The following CDH11 variants were observed in gnomAD, a reference collection of about 807,000 sequenced individuals.
The protein encoded by CDH11 is cadherin-11.
In CDH11, 11 loss-of-function variants were observed where a neutral mutation model predicts 67.8. That is an observed-to-expected ratio of 0.16 (90% CI 0.10 to 0.27). The LOEUF (loss-of-function observed/expected upper bound fraction) is 0.27. Ranked by LOEUF, CDH11 falls within the 10% of genes least tolerant of loss-of-function variation. The pLI, the probability that CDH11 is intolerant of heterozygous loss-of-function variation, is 1.00. For synonymous variants in CDH11, 419 were observed against 400.0 expected, an observed-to-expected ratio of 1.05 and a Z score of -0.57; for missense variants, 847 against 1,031.2, an observed-to-expected ratio of 0.82 and a Z score of 2.45.
chr16:65,054,718 C>G (rs1047848646), intron 1 of CDH11, among the ~76,000 whole-genome samples: 2 of 152,196 alleles, frequency 1.3e-5, no homozygotes, highest in Non-Finnish European at 2.9e-5. Flanking sequence ...AAGGTGCCAG[C>G]TGGCATAGCT....
At position 64,947,917 on chromosome 16, in the gene CDH11, G is replaced by C; in HGVS notation, c.2077C>G (p.Arg693Gly). Residue 693 changes from arginine (R) to glycine (G), a missense_variant, in exon 13 of 13, where the codon CGC becomes GGC. Physicochemically the swap from Arg to Gly is moderately radical, Grantham distance 125. This residue lies in a region of CDH11 where 612 missense variants were observed against 678.7 expected (regional missense o/e 0.90). Coordinates refer to ENST00000268603, the MANE Select transcript of CDH11 (RefSeq NM_001797.4). ...TGATACTCAGGTTTGATGTCTTTGC[G>C]GGGGATAAATCCATTGATACCATCA... ...NPDGINGFIP[R>G]KDIKPEYQYM... The C allele has an allele frequency of 6.2e-7, 1 of 1,614,124 alleles. No individual in the cohort carries two copies. The highest frequency in any genetic ancestry group is 8.5e-7 in the Non-Finnish European group (1 of 1,180,020).
At position 65,030,493 on chromosome 16, in the gene CDH11, A is replaced by T. The variant is rs574992865; in HGVS notation, c.-173+23311T>A. On this transcript the variant is annotated intron_variant, in intron 2 of 12. Transcript: ENST00000268603. ...TTTAACTATCTTCCTATGAACTCAG[A>T]GTGCCCATGCGTAGTCCTCACAAAA... 7.9e-5 allele frequency among the ~76,000 whole-genome samples: 12 copies of T among 152,340 alleles called. 1 individual carries two copies. Among genetic ancestry groups the T allele is most frequent in the Admixed American group, 3.9e-4 (6 of 15,304 alleles).
At chr16:65,030,138 T>C (rs940937443) in intron 2 of CDH11, among the ~76,000 whole-genome samples, 1 of 152,182 alleles carries the variant, frequency 6.6e-6, no homozygotes, top group African/African-American at 2.4e-5. Flanking sequence ...ACCGTATCTA[T>C]GGTATCAAGC....
rs926672270 is a variant in CDH11 at position 64,944,214 on chromosome 16, C to G, written c.*3389G>C. 1.3e-5 allele frequency: 3 copies of G among 232,862 alleles called. No individual in the cohort carries two copies. Among genetic ancestry groups the G allele is most frequent in the African/African-American group, 6.6e-5 (3 of 45,308 alleles). The allele number at this position is 232,862 out of a possible 1,614,324, so 14.4% of individuals were successfully genotyped here. Reference sequence around the variant, plus strand: ...GATCTGGGTTGTGTGTTAAAAGTATCCCTCTGGCTTCTTTGTGAAGAGGAG... The same window carrying G: ...GATCTGGGTTGTGTGTTAAAAGTATGCCTCTGGCTTCTTTGTGAAGAGGAG... On this transcript the variant is annotated 3_prime_UTR_variant, in exon 13 of 13. Coordinates refer to ENST00000268603, the MANE Select transcript of CDH11 (RefSeq NM_001797.4).
At chr16:65,072,922 A>G (rs1177162407) in intron 1 of CDH11, among the ~76,000 whole-genome samples, 2 of 152,196 alleles carry the variant, frequency 1.3e-5, no homozygotes, top group African/African-American at 2.4e-5. Flanking sequence ...TAAAAATTAA[A>G]TAAGTTAATT....
At chr16:64,995,697 T>C (rs1053766560) in intron 4 of CDH11, among the ~76,000 whole-genome samples, 1 of 152,150 alleles carries the variant, frequency 6.6e-6, no homozygotes, top group African/African-American at 2.4e-5. Context: ...AGAGAATTTA[T>C]GACTAGGTCC....
intron 8 of CDH11, among the ~76,000 whole-genome samples, chr16:64,974,108 C>A (rs565537811): frequency 6.6e-6 from 1 of 152,024 alleles, no homozygotes; most frequent in Admixed American, 6.6e-5. Context: ...TGGGAGATGG[C>A]GGAAGAATGG....
chr16:65,065,785 C>A (rs2074303733), intron 1 of CDH11, among the ~76,000 whole-genome samples: 1 of 152,208 alleles, frequency 6.6e-6, no homozygotes, highest in Non-Finnish European at 1.5e-5. Context: ...ACAGGCACAC[C>A]CTAAACCAGG....
chr16:64,976,789 A>C (rs1020682426), intron 8 of CDH11, among the ~76,000 whole-genome samples: 3 of 152,186 alleles, frequency 2.0e-5, no homozygotes, highest in Non-Finnish European at 1.5e-5. Flanking sequence ...CGGAGGTTGC[A>C]GTGAGCTGGG....
At position 64,998,830 on chromosome 16, in the gene CDH11, A is replaced by T; in HGVS notation, c.255T>A (p.Asp85Glu). ...GRLHSDIDSG[D>E]GNIKYILSGE... ...CTGAGAGAATGTATTTAATGTTCCC[A>T]TCACCAGAGTCAATATCTGAATGAA... Residue 85 changes from aspartate (D) to glutamate (E), a missense_variant, in exon 4 of 13, where the codon GAT becomes GAA. Coordinates refer to ENST00000268603, the MANE Select transcript of CDH11 (RefSeq NM_001797.4). 1.9e-6 allele frequency: 3 copies of T among 1,614,114 alleles called. No homozygotes were observed. Among genetic ancestry groups the T allele is most frequent in the Non-Finnish European group, 2.5e-6 (3 of 1,179,968 alleles).
intron 2 of CDH11, among the ~76,000 whole-genome samples, chr16:65,046,250 G>A (rs867296651): frequency 2.6e-5 from 4 of 152,202 alleles, no homozygotes; most frequent in Non-Finnish European, 5.9e-5. Flanking sequence ...CGGAAATGAA[G>A]TGATTAGATT....
intron 2 of CDH11, among the ~76,000 whole-genome samples, chr16:65,019,326 A>C (rs534392978): frequency 2.0e-5 from 3 of 152,220 alleles, no homozygotes; most frequent in Non-Finnish European, 4.4e-5. Flanking sequence ...ATTTATCTAA[A>C]ACAATAACTC....
chr16:64,948,482 T>C (rs2071254157), intron 12 of CDH11: 8 of 835,966 alleles, frequency 9.6e-6, no homozygotes, highest in Non-Finnish European at 1.6e-5. Flanking sequence ...TAGCTGTTTT[T>C]CCAAGGTTTA....
At chr16:64,987,871 G>T in intron 7 of CDH11, 1 of 282,364 alleles carries the variant, frequency 3.5e-6, no homozygotes. Context: ...TTATCTCATT[G>T]TCCTTCCCTC....
chr16:65,070,851 G>A (rs184860020), intron 1 of CDH11, among the ~76,000 whole-genome samples: 2 of 152,286 alleles, frequency 1.3e-5, no homozygotes, highest in East Asian at 1.9e-4. Flanking sequence ...ATTTGTTCAG[G>A]GAGAGTATTT....
At chr16:65,001,046 G>C (rs944948179) in intron 3 of CDH11, among the ~76,000 whole-genome samples, 1 of 151,928 alleles carries the variant, frequency 6.6e-6, no homozygotes, top group Non-Finnish European at 1.5e-5. Context: ...ATAAAGCAAG[G>C]TTGAATACAT....
At chr16:65,101,900 T>C (rs1308839540) in intron 1 of CDH11, among the ~76,000 whole-genome samples, 1 of 152,230 alleles carries the variant, frequency 6.6e-6, no homozygotes, top group African/African-American at 2.4e-5. Context: ...AATGAATGGA[T>C]GGATATTCTG....
intron 11 of CDH11, among the ~76,000 whole-genome samples, chr16:64,952,360 T>G (rs2071385455): frequency 6.6e-6 from 1 of 152,174 alleles, no homozygotes; most frequent in East Asian, 1.9e-4. Flanking sequence ...ATAGGGGATT[T>G]TTGTCTGATT....
In CDH11 at chr16:65,076,482, G is replaced by C. The variant is rs574982314; in HGVS notation, c.-297-22554C>G. On this transcript the variant is annotated intron_variant, in intron 1 of 12. Transcript: ENST00000268603. ...AAAAGGAGACTGGGTGGAGAAAAAG[G>C]TGGAAACAAGTGTGGGCTCCCTTTG... Among the ~76,000 whole-genome samples the C allele has an allele frequency of 2.0e-5, 3 of 152,294 alleles. No homozygotes were observed. The South Asian group carries it at 6.2e-4, about 32-fold the overall frequency.
Sources: gnomAD v4.1 joint callset for allele counts (sites outside exome capture counted in the v4.1 genomes callset) on GRCh38, gnomAD v4.1.1 for gene constraint, gnomAD v4.1.1 regional missense constraint, MANE v1.5 for transcripts, NCBI Gene and HGNC (gene_info 2026-07-23, HGNC 2026-07-21) for gene names.